The following BARHL1 variants were observed in gnomAD, a reference collection of about 807,000 sequenced individuals.
BARHL1 encodes the protein barH-like 1 homeobox protein.
A neutral mutation model predicts 20.1 loss-of-function variants in BARHL1; 2 were observed. The ratio of observed to expected loss-of-function variants is 0.10; its 90% CI spans 0.04 to 0.31. The LOEUF is 0.31. Among genes scored for constraint, BARHL1 ranks in the 10% least tolerant of loss-of-function variants. The probability of loss-of-function intolerance (pLI) is 1.00; values close to 1 mark genes in which losing one functional copy is unlikely to be tolerated. For synonymous variants in BARHL1, 213 were observed against 209.9 expected (o/e 1.01, Z -0.13); for missense variants, 397 against 454.0 (o/e 0.87, Z 1.14).
chr9:132,585,535 G>T (rs1830132087), intron 1 of BARHL1, among the ~76,000 whole-genome samples: 1 of 152,214 alleles, frequency 6.6e-6, no homozygotes, highest in Admixed American at 6.5e-5. Flanking sequence ...ACTAGCGGCT[G>T]GATCCAAGGT....
intron 1 of BARHL1, among the ~76,000 whole-genome samples, chr9:132,585,153 T>C (rs1358263953): frequency 2.0e-5 from 3 of 152,294 alleles, no homozygotes; most frequent in African/African-American, 7.2e-5. Flanking sequence ...GCCGGCTGTC[T>C]ACATATCGCT....
chr9:132,587,566 C>T lies in BARHL1; in HGVS notation c.689+15C>T, dbSNP rs1274735624. 1.9e-6 allele frequency: 3 copies of T among 1,596,532 alleles called. No homozygotes were observed. The highest frequency in any genetic ancestry group is 2.6e-6 in the Non-Finnish European group (3 of 1,170,820). ...CAGAACCGCAGGTGAGGCCTGGCTG[C>T]GGGGGTAGAGGCAGAAAGGGAACTT... On this transcript the variant is annotated intron_variant, in intron 2 of 2. Coordinates refer to ENST00000263610, the MANE Select transcript of BARHL1 (RefSeq NM_020064.4). This position sits in a 1 kb window ranked among gnomAD's most constrained non-coding sequence, Gnocchi z 5.5.
intron 1 of BARHL1, among the ~76,000 whole-genome samples, chr9:132,586,431 A>C (rs923320569): frequency 6.6e-6 from 1 of 152,376 alleles, no homozygotes; most frequent in East Asian, 1.9e-4. Context: ...TTTTCTGTGC[A>C]GTCAAAGCCG....
At position 132,582,953 on chromosome 9, in the gene BARHL1, C is replaced by T. The variant is rs376698987; in HGVS notation, c.156C>T (p.Ala52=). The part of the protein sequence containing the change: ...SESSSDCSSP[A]SPGRDCLETG... ...GCAGCAGCGACTGCTCTTCGCCAGC[C>T]TCTCCAGGAAGGGACTGTTTGGAGA... is the stretch of plus-strand genomic sequence containing the variant. Residue 52 remains alanine, a synonymous_variant, in exon 1 of 3, where the codon GCC becomes GCT. Coordinates refer to ENST00000263610, the MANE Select transcript of BARHL1 (RefSeq NM_020064.4). 1.9e-6 allele frequency: 3 copies of T among 1,613,808 alleles called. No homozygotes were observed. Among genetic ancestry groups the T allele is most frequent in the Non-Finnish European group, 2.5e-6 (3 of 1,179,974 alleles).
Position 132,589,701 on chromosome 9 carries a change from C to G in BARHL1, c.*179C>G. 1.2e-6 allele frequency: 1 copy of G among 837,636 alleles called. No homozygotes were observed. Among genetic ancestry groups the G allele is most frequent in the Non-Finnish European group, 1.6e-6 (1 of 637,296 alleles). 51.9% of individuals were successfully genotyped at this position (837,636 alleles called of 1,614,324 possible). On this transcript the variant is annotated 3_prime_UTR_variant, in exon 3 of 3. Transcript: ENST00000263610. Reference sequence around the variant, plus strand: ...GCCAAGTCCACTGAGGCCCGGACCCCGGACTGCGTCTCCCCAGCCCCCCTC... The same window carrying G: ...GCCAAGTCCACTGAGGCCCGGACCCGGGACTGCGTCTCCCCAGCCCCCCTC...
At chr9:132,585,862 C>T (rs1296146242) in intron 1 of BARHL1, among the ~76,000 whole-genome samples, 1 of 152,176 alleles carries the variant, frequency 6.6e-6, no homozygotes, top group Non-Finnish European at 1.5e-5. Context: ...ATTAAGTAGC[C>T]CAGGCAATTT....
rs1830094813 is a variant in BARHL1, at chr9:132,583,240, C to T, written c.443C>T (p.Ala148Val). Residue 148 changes from alanine (A) to valine (V), a missense_variant, in exon 1 of 3, where the codon GCC (alanine) becomes GTC (valine). Around this residue, in one of 3 missense-constraint regions of BARHL1, gnomAD observed 272 missense variants for 298.7 expected, o/e 0.91. Transcript: ENST00000263610. The stretch of plus-strand genomic sequence containing the variant: ...AAGCTGGACAAAAGTGGCAGCAACG[C>T]CTCATCGGACTCTGAGTATAAAGGT... ...RDKLDKSGSN[A>V]SSDSEYKVKE... 1.2e-6 allele frequency: 2 copies of T among 1,611,898 alleles called. No individual in the cohort carries two copies. Among genetic ancestry groups the T allele is most frequent in the Non-Finnish European group, 1.7e-6 (2 of 1,178,954 alleles).
chr9:132,589,480 C>T lies in BARHL1; in HGVS notation c.942C>T (p.Pro314=), dbSNP rs1379704048. Reference sequence around the variant, plus strand: ...CCAGCGAGCCGCCCCCGCCGCTGCCCCCCCTGGCCGGCGTCCTCCCACGCG... The same window carrying T: ...CCAGCGAGCCGCCCCCGCCGCTGCCTCCCCTGGCCGGCGTCCTCCCACGCG... ...QGASEPPPPL[P]PLAGVLPRAA... The change falls in exon 3 of 3, where the codon CCC becomes CCT. Residue 314 remains proline (P), a synonymous_variant. Coordinates refer to ENST00000263610, the MANE Select transcript of BARHL1 (RefSeq NM_020064.4). 2.7e-6 allele frequency: 4 copies of T among 1,491,728 alleles called. No homozygotes were observed. The highest frequency in any genetic ancestry group is 3.6e-6 in the Non-Finnish European group (4 of 1,124,418). The allele number at this position is 1,491,728 out of a possible 1,614,324, so 92.4% of individuals were successfully genotyped here.
chr9:132,589,774 C>A lies in BARHL1; in HGVS notation c.*252C>A. ...CTGTCCGGGAGCCATCCCCACCCGC[C>A]GGGTGTACATACGCGTCTCTGCCAC... On this transcript the variant is annotated 3_prime_UTR_variant, in exon 3 of 3. Coordinates refer to ENST00000263610, the MANE Select transcript of BARHL1 (RefSeq NM_020064.4). 1 of 386,458 alleles carries A rather than the reference C, an allele frequency of 2.6e-6. No homozygotes were observed. The highest frequency in any genetic ancestry group is 4.3e-6 in the Non-Finnish European group (1 of 232,508). 23.9% of individuals were successfully genotyped at this position (386,458 alleles called of 1,614,324 possible).
At position 132,587,988 on chromosome 9, in the gene BARHL1, G is replaced by A. The variant is rs1174880104; in HGVS notation, c.689+437G>A. On this transcript the variant is annotated intron_variant, in intron 2 of 2. Coordinates refer to ENST00000263610, the MANE Select transcript of BARHL1 (RefSeq NM_020064.4). The surrounding 1 kb of genome is among the most constrained non-coding windows in gnomAD (Gnocchi z 5.5). ...GTGGCCCTTGGGGTGTTGAAGCCTGGCCCAGACCGGGCAGCTGCCGCAGGG... is the reference window on the plus strand; with the variant it reads ...GTGGCCCTTGGGGTGTTGAAGCCTGACCCAGACCGGGCAGCTGCCGCAGGG... 1.3e-5 allele frequency among the ~76,000 whole-genome samples: 2 copies of A among 152,196 alleles called. No homozygotes were observed. Among genetic ancestry groups the A allele is most frequent in the African/African-American group, 4.8e-5 (2 of 41,450 alleles).
chr9:132,583,646 G>T lies in BARHL1; in HGVS notation c.466+383G>T, dbSNP rs1376029453. Among the ~76,000 whole-genome samples the T allele has an allele frequency of 2.0e-5, 3 of 152,372 alleles. No homozygotes were observed. In the East Asian group the frequency reaches 5.8e-4, roughly 29 times the overall value. ...GCAGAAGCAATGGAAGACTGAAAGG[G>T]TTCTGCTTTATAGAGTGAAAATACA... On this transcript the variant is annotated intron_variant, in intron 1 of 2. Transcript: ENST00000263610.
At position 132,589,293 on chromosome 9, in the gene BARHL1, C is replaced by A; in HGVS notation, c.755C>A (p.Ala252Glu). ...CTGGCGGAGGCAGGCAATTACTCAG[C>A]GCTCCAGCGGATGTTCCCGTCGCCT... ...ELLAEAGNYSALQRMFPSPYF... is the reference protein window; with the variant it reads ...ELLAEAGNYSELQRMFPSPYF... The change falls in exon 3 of 3, where the codon GCG becomes GAG. Residue 252 changes from alanine to glutamate, a missense_variant. By Grantham distance (107) the Ala-to-Glu change is moderately radical. Transcript: ENST00000263610. The A allele has an allele frequency of 6.2e-7, 1 of 1,613,416 alleles. No individual in the cohort carries two copies. The highest frequency in any genetic ancestry group is 8.5e-7 in the Non-Finnish European group (1 of 1,179,944).
intron 1 of BARHL1, among the ~76,000 whole-genome samples, chr9:132,584,566 C>T (rs1169062766): frequency 2.0e-5 from 3 of 146,466 alleles, no homozygotes; most frequent in African/African-American, 7.5e-5. Context: ...TCATTTAACA[C>T]TCTCCTCCCA....
intron 1 of BARHL1, among the ~76,000 whole-genome samples, chr9:132,585,659 C>A (rs1420564875): frequency 2.0e-5 from 3 of 152,112 alleles, no homozygotes; most frequent in African/African-American, 4.8e-5. Flanking sequence ...GAAGCCAGTA[C>A]CCCCTGGGCT....
Position 132,582,806 on chromosome 9 carries a change from C to T in BARHL1, c.9C>T (p.Gly3=), listed in dbSNP as rs1830088896. Residue 3 remains glycine (G), a synonymous_variant, in exon 1 of 3, where the codon GGC becomes GGT. Coordinates refer to ENST00000263610, the MANE Select transcript of BARHL1 (RefSeq NM_020064.4). ...CAGGTCGCAGCTTGGCTATGGAAGG[C>T]TCCAATGGCTTTGGGATCGACTCCA... ME[G]SNGFGIDSIL... 3 of 1,590,788 alleles carry T rather than the reference C, an allele frequency of 1.9e-6. No homozygotes were observed. The highest frequency in any genetic ancestry group is 2.6e-6 in the Non-Finnish European group (3 of 1,164,596).
At chr9:132,588,199 T>G (rs1402757416) in intron 2 of BARHL1, among the ~76,000 whole-genome samples, 1 of 151,920 alleles carries the variant, frequency 6.6e-6, no homozygotes, top group Non-Finnish European at 1.5e-5. Context: ...TAGATGCAAA[T>G]GTACAAACAC....
rs750410264 is a variant in BARHL1, at chr9:132,589,479, C to T, written c.941C>T (p.Pro314Leu). 1.3e-6 allele frequency: 2 copies of T among 1,491,264 alleles called. No homozygotes were observed. Among genetic ancestry groups the T allele is most frequent in the Non-Finnish European group, 1.8e-6 (2 of 1,124,244 alleles). 92.4% of individuals were successfully genotyped at this position (1,491,264 alleles called of 1,614,324 possible). Residue 314 changes from proline (P) to leucine (L), a missense_variant, in exon 3 of 3, where the codon CCC (proline) becomes CTC (leucine). By Grantham distance (98) the Pro-to-Leu change is moderately conservative. Around this residue, in one of 3 missense-constraint regions of BARHL1, gnomAD observed 121 missense variants for 135.9 expected, o/e 0.89. Coordinates refer to ENST00000263610, the MANE Select transcript of BARHL1 (RefSeq NM_020064.4). ...GCCAGCGAGCCGCCCCCGCCGCTGCCCCCCCTGGCCGGCGTCCTCCCACGC... is the reference window on the plus strand; with the variant it reads ...GCCAGCGAGCCGCCCCCGCCGCTGCTCCCCCTGGCCGGCGTCCTCCCACGC... ...QGASEPPPPL[P>L]PLAGVLPRAA...
chr9:132,586,354 T>C (rs1830144623), intron 1 of BARHL1, among the ~76,000 whole-genome samples: 1 of 152,214 alleles, frequency 6.6e-6, no homozygotes, highest in Admixed American at 6.5e-5. Flanking sequence ...GGGGAAGTGG[T>C]CTAGCTGGTT....
Position 132,582,848 on chromosome 9 carries a change from G to C in BARHL1, c.51G>C (p.Ala17=). The C allele has an allele frequency of 6.2e-7, 1 of 1,608,878 alleles. No homozygotes were observed. The change falls in exon 1 of 3, where the codon GCG becomes GCC. Residue 17 remains alanine, a synonymous_variant. Coordinates refer to ENST00000263610, the MANE Select transcript of BARHL1 (RefSeq NM_020064.4). The part of the protein sequence containing the change: ...FGIDSILSHR[A]GSPALPKGDP... ...TCGACTCCATTCTCTCCCACCGCGCGGGCAGCCCCGCCCTTCCCAAGGGGG... is the reference window on the plus strand; with the variant it reads ...TCGACTCCATTCTCTCCCACCGCGCCGGCAGCCCCGCCCTTCCCAAGGGGG...
Sources: gnomAD v4.1 joint callset for allele counts (sites outside exome capture counted in the v4.1 genomes callset) on GRCh38, gnomAD v4.1.1 for gene constraint, gnomAD v4.1.1 regional missense constraint, Gnocchi (gnomAD v3.1) non-coding constraint, MANE v1.5 for transcripts, NCBI Gene and HGNC (gene_info 2026-07-23, HGNC 2026-07-21) for gene names.